Variants in PCSK5 observed in about 807,000 individuals in gnomAD.
PCSK5 encodes the protein proprotein convertase subtilisin/kexin type 5.
A neutral mutation model predicts 233.2 loss-of-function variants in PCSK5; 129 were observed. The observed-to-expected ratio is 0.55, with a 90% CI of 0.48 to 0.64. The LOEUF (loss-of-function observed/expected upper bound fraction) is 0.64. Ranked by LOEUF, PCSK5 falls within the 30% of genes least tolerant of loss-of-function variation. The pLI is 0.00. For synonymous variants in PCSK5, 825 were observed against 879.2 expected, an observed-to-expected ratio of 0.94 and a Z score of 1.09; for missense variants, 2,076 against 2,430.1, an observed-to-expected ratio of 0.85 and a Z score of 3.06.
At chr9:76,228,802 C>T (rs1825980098) in intron 21 of PCSK5, among the ~76,000 whole-genome samples, 1 of 152,140 alleles carries the variant, frequency 6.6e-6, no homozygotes. Flanking sequence ...ATGGACATGC[C>T]CTCTGCTTTG....
intron 3 of PCSK5, among the ~76,000 whole-genome samples, chr9:75,997,922 T>C (rs376204726): frequency 4.6e-5 from 7 of 152,338 alleles, no homozygotes; most frequent in South Asian, 4.1e-4. Flanking sequence ...TCTCTTTTAG[T>C]TTCCTGGTGA....
chr9:75,902,515 TA>T (rs1293325897), intron 1 of PCSK5, among the ~76,000 whole-genome samples: 1 of 151,518 alleles, frequency 6.6e-6, no homozygotes, highest in Non-Finnish European at 1.5e-5. Context: ...ACCCAGAGAG[TA>T]TTTTTATTTT....
chr9:76,205,296 C>G (rs986425135), intron 20 of PCSK5: 5 of 517,928 alleles, frequency 9.7e-6, no homozygotes, highest in African/African-American at 1.9e-5. Flanking sequence ...TGAAGACCCG[C>G]CTATGCTGTT....
chr9:75,968,792 T>G (rs114437083), intron 2 of PCSK5, among the ~76,000 whole-genome samples: 2 of 152,216 alleles, frequency 1.3e-5, no homozygotes, highest in African/African-American at 4.8e-5. Flanking sequence ...TCATAAAGAC[T>G]CAAAAATTCT....
rs144781142 is a variant in PCSK5, at chr9:75,962,475, C to T, written c.298-23657C>T. ...AGCTGGATGTTGAGGGCTAGGAATG[C>T]GGTAGAGTGGCTCTTTCATAAGAAT... On this transcript the variant is annotated intron_variant, in intron 2 of 37. Transcript: ENST00000674117. 9.3e-4 allele frequency among the ~76,000 whole-genome samples: 141 copies of T among 152,278 alleles called. 2 individuals are homozygous for T. In the East Asian group the frequency reaches 0.023, roughly 25 times the overall value.
At chr9:76,220,359 T>C (rs1825685194) in intron 20 of PCSK5, among the ~76,000 whole-genome samples, 1 of 151,782 alleles carries the variant, frequency 6.6e-6, no homozygotes, top group African/African-American at 2.4e-5. Flanking sequence ...AAACCCTGTC[T>C]CTACTAAAAA....
At chr9:76,249,779 G>A (rs1200772426) in intron 24 of PCSK5, among the ~76,000 whole-genome samples, 1 of 152,164 alleles carries the variant, frequency 6.6e-6, no homozygotes, top group Non-Finnish European at 1.5e-5. Context: ...AATCCACAAT[G>A]ATGGAAATAT....
intron 35 of PCSK5, among the ~76,000 whole-genome samples, chr9:76,348,801 G>GC (rs1177747483): frequency 3.4e-5 from 5 of 148,814 alleles, no homozygotes; most frequent in African/African-American, 1.2e-4. Context: ...AGTCCCCTCA[G>GC]CCCCCCAGCC....
chr9:76,180,104 T>TATATAC lies in PCSK5; in HGVS notation c.2003+407_2003+408insTATACA, dbSNP rs373590869. ...GTGTGTGTGTATATATATATATATA[T>TATATAC]ACACACACACACATATACATACGTA... On this transcript the variant is annotated intron_variant, in intron 15 of 37. Coordinates refer to ENST00000674117, the MANE Select transcript of PCSK5 (RefSeq NM_001372043.1). Among the ~76,000 whole-genome samples, 147 of 144,932 alleles carry TATATAC rather than the reference T, an allele frequency of 1.0e-3. 1 individual carries two copies. The highest frequency in any genetic ancestry group is 3.7e-3 in the African/African-American group (142 of 38,246).
chr9:75,970,073 A>G (rs537425284), intron 2 of PCSK5, among the ~76,000 whole-genome samples: 3 of 152,158 alleles, frequency 2.0e-5, no homozygotes, highest in Admixed American at 6.5e-5. Context: ...GGGTTTCACC[A>G]TGTTGGCCAG....
chr9:76,324,821 G>GC (rs1829313307), intron 32 of PCSK5, among the ~76,000 whole-genome samples: 1 of 152,098 alleles, frequency 6.6e-6, no homozygotes, highest in African/African-American at 2.4e-5. Context: ...TGTTGAGGCA[G>GC]CCTGAGGTCC....
intron 5 of PCSK5, among the ~76,000 whole-genome samples, chr9:76,061,431 A>G (rs1370503151): frequency 6.6e-6 from 1 of 152,116 alleles, no homozygotes; most frequent in Non-Finnish European, 1.5e-5. Flanking sequence ...CAAATAATAA[A>G]CCAGAGCTGA....
intron 1 of PCSK5, among the ~76,000 whole-genome samples, chr9:75,907,084 T>A (rs1380065375): frequency 6.6e-6 from 1 of 152,202 alleles, no homozygotes. Flanking sequence ...TCTGGAAGTA[T>A]ACGTAAAATG....
Position 76,323,013 on chromosome 9 carries a change from A to C in PCSK5, c.4103-39A>C, listed in dbSNP as rs1363947571. ...TGCAGACAATGAATTCCTTTCTCCTACCCCCCGGGGATAACTTGCTGCTTC... is the reference window on the plus strand; with the variant it reads ...TGCAGACAATGAATTCCTTTCTCCTCCCCCCCGGGGATAACTTGCTGCTTC... On this transcript the variant is annotated intron_variant, in intron 31 of 37. Transcript: ENST00000674117. 5.3e-6 allele frequency: 6 copies of C among 1,133,062 alleles called. No homozygotes were observed. The African/African-American group carries it at 6.2e-5, about 12-fold the overall frequency. 70.2% of individuals were successfully genotyped at this position (1,133,062 alleles called of 1,614,324 possible). A position where few individuals can be genotyped will look rare whatever the true frequency, so the allele number is the denominator to read the frequency against.
At chr9:76,056,979 T>G (rs543171295) in intron 5 of PCSK5, among the ~76,000 whole-genome samples, 1 of 152,342 alleles carries the variant, frequency 6.6e-6, no homozygotes, top group South Asian at 2.1e-4. Flanking sequence ...AACAGATGAC[T>G]AATATTCCAA....
rs551279506 is a variant in PCSK5 at position 76,074,695 on chromosome 9, T to C, written c.894+2797T>C. On this transcript the variant is annotated intron_variant, in intron 7 of 37. Coordinates refer to ENST00000674117, the MANE Select transcript of PCSK5 (RefSeq NM_001372043.1). ...TTTCTCATCTAAGGTAGGGCACTAA[T>C]AGTACTCACAGAGATGTTATAAATG... Among the ~76,000 whole-genome samples, 3 of 152,328 alleles carry C rather than the reference T, an allele frequency of 2.0e-5. No homozygotes were observed. In the South Asian group the frequency reaches 6.2e-4, roughly 32 times the overall value.
intron 33 of PCSK5, among the ~76,000 whole-genome samples, chr9:76,330,281 A>G (rs548014189): frequency 1.3e-5 from 2 of 152,188 alleles, no homozygotes; most frequent in African/African-American, 4.8e-5. Context: ...GTTCCCAGGG[A>G]TACTGTGACT....
chr9:76,266,144 GCA>G (rs1743050816), intron 24 of PCSK5, among the ~76,000 whole-genome samples: 1 of 152,102 alleles, frequency 6.6e-6, no homozygotes, highest in African/African-American at 2.4e-5. Flanking sequence ...GTTAAAGAAA[GCA>G]CAGTTTTCAT....
At chr9:76,086,911 C>G (rs545686551) in intron 7 of PCSK5, among the ~76,000 whole-genome samples, 29 of 152,184 alleles carry the variant, frequency 1.9e-4, no homozygotes, top group Non-Finnish European at 3.2e-4. Flanking sequence ...ATTTGAAGTT[C>G]CTGAATATAC....
Sources: gnomAD v4.1 joint callset for allele counts (sites outside exome capture counted in the v4.1 genomes callset) on GRCh38, gnomAD v4.1.1 for gene constraint, MANE v1.5 for transcripts, NCBI Gene and HGNC (gene_info 2026-07-23, HGNC 2026-07-21) for gene names.